Variants in CRMP1 observed in about 807,000 individuals in gnomAD.
CRMP1 encodes collapsin response mediator protein 1.
Under a neutral mutation model 68.3 loss-of-function variants are expected in CRMP1, and 19 were observed. That is an observed-to-expected ratio of 0.28 (90% CI 0.19 to 0.41). The LOEUF is 0.41. Among genes scored for constraint, CRMP1 ranks in the 10% least tolerant of loss-of-function variants. The pLI is 1.00. For synonymous variants in CRMP1, 439 were observed against 399.6 expected (o/e 1.10, Z -1.18); for missense variants, 791 against 967.4 (o/e 0.82, Z 2.42).
chr4:5,882,305 G>C (rs1431780964), intron 1 of CRMP1, among the ~76,000 whole-genome samples: 1 of 152,198 alleles, frequency 6.6e-6, no homozygotes, highest in African/African-American at 2.4e-5. Flanking sequence ...TTCAGCCTGG[G>C]TCTCAAAGTG....
At chr4:5,871,470 C>T (rs903319395) in intron 1 of CRMP1, among the ~76,000 whole-genome samples, 1 of 152,084 alleles carries the variant, frequency 6.6e-6, no homozygotes, top group Non-Finnish European at 1.5e-5. Flanking sequence ...ACCATCCTGG[C>T]TAACATGGTG....
In CRMP1 at chr4:5,890,735, CA is replaced by C. The variant is rs1041992929; in HGVS notation, c.381+1853del. Among the ~76,000 whole-genome samples, 23 of 152,232 alleles carry C rather than the reference CA, an allele frequency of 1.5e-4. No individual in the cohort carries two copies. The highest frequency in any genetic ancestry group is 4.3e-4 in the African/African-American group (18 of 41,574). On this transcript the variant is annotated intron_variant, in intron 1 of 13. Transcript: ENST00000324989. The surrounding 1 kb of genome is among the most constrained non-coding windows in gnomAD (Gnocchi z 5.5). Reference sequence around the variant, plus strand: ...GGAGAGGTGAAGCGACCAGCGTCCCCAAGGGTCAGGGCGCAGCTGCGGGGCT... The same window carrying C: ...GGAGAGGTGAAGCGACCAGCGTCCCCAGGGTCAGGGCGCAGCTGCGGGGCT...
At chr4:5,864,093 A>G (rs982662827) in intron 2 of CRMP1, among the ~76,000 whole-genome samples, 2 of 152,030 alleles carry the variant, frequency 1.3e-5, no homozygotes, top group Admixed American at 1.3e-4. Context: ...GAGTCCTAGG[A>G]CTCTTGATGT....
intron 4 of CRMP1, among the ~76,000 whole-genome samples, chr4:5,851,834 A>AGAAGGGGAGGAGGAGGAG (rs1242801064): frequency 2.3e-4 from 30 of 132,952 alleles, no homozygotes; most frequent in South Asian, 7.3e-4. Flanking sequence ...AGAAAGAAGG[A>AGAAGGGGAGGAGGAGGAG]GAAGGGGAGG....
At chr4:5,828,462 G>A in intron 12 of CRMP1, 27 bp downstream of exon 12, 1 of 1,605,856 alleles carries the variant, frequency 6.2e-7, no homozygotes, top group Non-Finnish European at 8.5e-7. Flanking sequence ...CCCACGGGTG[G>A]GCCCGCTCCC....
intron 5 of CRMP1, among the ~76,000 whole-genome samples, 188 bp from the exon 6 acceptor site, chr4:5,849,660 G>A (rs1712476998): frequency 6.6e-6 from 1 of 152,156 alleles, no homozygotes; most frequent in Non-Finnish European, 1.5e-5. Context: ...CCTTGACCCT[G>A]ACATCTTGCA....
intron 13 of CRMP1, among the ~76,000 whole-genome samples, chr4:5,822,557 CTT>C (rs1718824104): frequency 6.6e-6 from 1 of 151,948 alleles, no homozygotes; most frequent in Non-Finnish European, 1.5e-5. Flanking sequence ...ATCCATTCTA[CTT>C]TTACCTATTC....
intron 11 of CRMP1, among the ~76,000 whole-genome samples, chr4:5,830,302 C>T (rs1720272497): frequency 6.6e-6 from 1 of 152,032 alleles, no homozygotes; most frequent in Admixed American, 6.6e-5. Flanking sequence ...GTCTCTGGAA[C>T]TCAAATGAAG....
At chr4:5,875,715 G>A (rs1714764336) in intron 1 of CRMP1, among the ~76,000 whole-genome samples, 1 of 142,916 alleles carries the variant, frequency 7.0e-6, no homozygotes, top group Non-Finnish European at 1.5e-5. Context: ...AACAGGTGGG[G>A]GTTGGTGCTG....
chr4:5,890,059 T>G lies in CRMP1; in HGVS notation c.381+2530A>C. 4.2e-6 allele frequency: 2 copies of G among 473,672 alleles called. No individual in the cohort carries two copies. The highest frequency in any genetic ancestry group is 5.9e-6 in the Non-Finnish European group (2 of 340,312). 29.3% of individuals were successfully genotyped at this position (473,672 alleles called of 1,614,324 possible). ...TTACAACTCATTTCCCTCCACGCAT[T>G]CATGCATCCCTGGCTCTCAGCGGGG... On this transcript the variant is annotated intron_variant, in intron 1 of 13. Coordinates refer to ENST00000324989, the MANE Select transcript of CRMP1 (RefSeq NM_001014809.3). This position sits in a 1 kb window ranked among gnomAD's most constrained non-coding sequence, Gnocchi z 5.5.
rs969264320 is a variant in CRMP1, at chr4:5,878,961, C to T, written c.382-12205G>A. ...GTTCTAATACCTACCTGCTGACTTT[C>T]ACCTCCCAATGCACCTGCCCCAGAT... On this transcript the variant is annotated intron_variant, in intron 1 of 13. Transcript: ENST00000324989. Among the ~76,000 whole-genome samples, 176 of 152,232 alleles carry T rather than the reference C, an allele frequency of 1.2e-3. 1 individual carries two copies. Among genetic ancestry groups the T allele is most frequent in the African/African-American group, 4.0e-3 (168 of 41,518 alleles).
chr4:5,867,608 C>A (rs73063644), intron 1 of CRMP1, among the ~76,000 whole-genome samples: 15,496 of 152,152 alleles, frequency 0.1, 873 homozygotes, highest in African/African-American at 0.13. Flanking sequence ...CCGACTGATG[C>A]TCTCAGCTCC....
At chr4:5,887,797 C>A (rs1330212147) in intron 1 of CRMP1, 3 of 990,754 alleles carry the variant, frequency 3.0e-6, no homozygotes, top group East Asian at 2.2e-4. Context: ...GGGGAGGTAC[C>A]GGGCTGTGGG....
rs1308500004 is a variant in CRMP1, at chr4:5,837,442, G to T, written c.1311-536C>A. Among the ~76,000 whole-genome samples the T allele has an allele frequency of 2.1e-5, 3 of 142,296 alleles. No homozygotes were observed. In the South Asian group the frequency reaches 6.7e-4, roughly 32 times the overall value. The allele number at this position is 142,296 out of a possible 152,430, so 93.4% of individuals were successfully genotyped here. On this transcript the variant is annotated intron_variant, in intron 9 of 13. Transcript: ENST00000324989. ...GATCGGGACCAGCCTGACCAACATG[G>T]CAAAACCTTGTCTCTACTAAAAAAA... is the stretch of plus-strand genomic sequence containing the variant.
chr4:5,873,239 T>G (rs1016926625), intron 1 of CRMP1, among the ~76,000 whole-genome samples: 4 of 152,114 alleles, frequency 2.6e-5, no homozygotes, highest in Non-Finnish European at 5.9e-5. Flanking sequence ...TCAACCCTGC[T>G]AAGGGGAAAA....
chr4:5,885,331 G>C (rs951542576), intron 1 of CRMP1, among the ~76,000 whole-genome samples: 1 of 152,144 alleles, frequency 6.6e-6, no homozygotes, highest in Non-Finnish European at 1.5e-5. Flanking sequence ...GAGGGGCACA[G>C]GATGACCCAG....
intron 11 of CRMP1, among the ~76,000 whole-genome samples, chr4:5,833,635 T>G (rs1577752650): frequency 6.6e-6 from 1 of 152,216 alleles, no homozygotes; most frequent in East Asian, 1.9e-4. Flanking sequence ...AATGAGATGA[T>G]GCATGGAGAA....
At position 5,856,261 on chromosome 4, in the gene CRMP1, G is replaced by C. The variant is rs144668952; in HGVS notation, c.702C>G (p.Phe234Leu). The change falls in exon 4 of 14, where the codon TTC becomes TTG. Residue 234 changes from phenylalanine to leucine, a missense_variant. Phe to Leu is a conservative substitution (Grantham distance 22). Coordinates refer to ENST00000324989, the MANE Select transcript of CRMP1 (RefSeq NM_001014809.3). Reference sequence around the variant, plus strand: ...TGTCAGCTGCTTCGTGCCACTTCTCGAAAGAGGTCAGTAGGCTGGACCCAG... The same window carrying C: ...TGTCAGCTGCTTCGTGCCACTTCTCCAAAGAGGTCAGTAGGCTGGACCCAG... ...PEPGSSLLTS[F>L]EKWHEAADTK... 7.4e-6 allele frequency: 12 copies of C among 1,613,624 alleles called. No individual in the cohort carries two copies. The highest frequency in any genetic ancestry group is 6.7e-5 in the African/African-American group (5 of 74,784).
Position 5,881,032 on chromosome 4 carries a change from C to A in CRMP1, c.381+11557G>T, listed in dbSNP as rs897076171. ...GTTACTGAAATTGAAGTGCTCACCA[C>A]CCCCAGCCCAGGAGGAGGAATCCTT... On this transcript the variant is annotated intron_variant, in intron 1 of 13. Coordinates refer to ENST00000324989, the MANE Select transcript of CRMP1 (RefSeq NM_001014809.3). The surrounding 1 kb of genome is among the most constrained non-coding windows in gnomAD (Gnocchi z 4.6). Among the ~76,000 whole-genome samples, 1 of 152,162 alleles carries A rather than the reference C, an allele frequency of 6.6e-6. No individual in the cohort carries two copies. The highest frequency in any genetic ancestry group is 1.5e-5 in the Non-Finnish European group (1 of 68,034).
Sources: allele counts gnomAD v4.1 joint callset (sites outside exome capture counted in the v4.1 genomes callset), GRCh38; gene constraint gnomAD v4.1.1; non-coding constraint Gnocchi (gnomAD v3.1); transcripts MANE v1.5; gene names NCBI Gene and HGNC (gene_info 2026-07-23, HGNC 2026-07-21).